SMAD3: variants seen among roughly 807,000 people sequenced by gnomAD.
SMAD3 encodes SMAD family member 3.
A neutral mutation model predicts 51.8 loss-of-function variants in SMAD3; 12 were observed. The ratio of observed to expected loss-of-function variants is 0.23; its 90% CI spans 0.15 to 0.38. The LOEUF (loss-of-function observed/expected upper bound fraction) is 0.38. SMAD3 is among the 10% of genes least tolerant of loss of function. The probability of loss-of-function intolerance (pLI) is 1.00; values close to 1 mark genes in which losing one functional copy is unlikely to be tolerated. For synonymous variants in SMAD3, 238 were observed against 227.7 expected (o/e 1.05, Z -0.41); for missense variants, 294 against 565.6 (o/e 0.52, Z 4.87).
intron 1 of SMAD3, among the ~76,000 whole-genome samples, chr15:67,103,041 G>A (rs1197227721): frequency 6.6e-6 from 1 of 152,092 alleles, no homozygotes; most frequent in Non-Finnish European, 1.5e-5. Flanking sequence ...GCTCTGGTAT[G>A]TAGTACGTGC....
chr15:67,128,194 G>C (rs544347608), intron 1 of SMAD3: 7 of 152,360 alleles, frequency 4.6e-5, no homozygotes, highest in African/African-American at 1.7e-4. Flanking sequence ...TGTTGGGGGT[G>C]GGGATGGGAA....
intron 1 of SMAD3, among the ~76,000 whole-genome samples, chr15:67,146,405 A>T (rs2140271464): frequency 6.6e-6 from 1 of 152,290 alleles, no homozygotes; most frequent in African/African-American, 2.4e-5. Context: ...CAGAGACCAG[A>T]CTTTGAAGGT....
intron 1 of SMAD3, among the ~76,000 whole-genome samples, chr15:67,084,070 C>CTTTTTTTTTTTTTT (rs56675753): frequency 2.7e-4 from 23 of 85,070 alleles, no homozygotes; most frequent in African/African-American, 5.9e-4. Flanking sequence ...CTTTTTTTTT[C>CTTTTTTTTTTTTTT]TTTTTTTTTT....
intron 1 of SMAD3, chr15:67,098,726 G>GGAGGCTT (rs1400203758): frequency 6.5e-6 from 4 of 610,712 alleles, no homozygotes; most frequent in Non-Finnish European, 1.2e-5. Flanking sequence ...GGACACTTGG[G>GGAGGCTT]GAGGCTTGCT....
At chr15:67,120,243 A>G (rs575696722) in intron 1 of SMAD3, among the ~76,000 whole-genome samples, 1 of 152,190 alleles carries the variant, frequency 6.6e-6, no homozygotes, top group African/African-American at 2.4e-5. Context: ...ACAGTGTGGG[A>G]CAGACTTTGC....
Position 67,190,552 on chromosome 15 carries a change from T to G in SMAD3, c.*16T>G, listed in dbSNP as rs758196703. ...TGTGTCTTAGAGACATCAAGTATGGTAGGGGAGGGCAGGCTTGGGGAAAAT... is the reference window on the plus strand; with the variant it reads ...TGTGTCTTAGAGACATCAAGTATGGGAGGGGAGGGCAGGCTTGGGGAAAAT... On this transcript the variant is annotated 3_prime_UTR_variant, in exon 9 of 9. Coordinates refer to ENST00000327367, the MANE Select transcript of SMAD3 (RefSeq NM_005902.4). 1.9e-5 allele frequency: 30 copies of G among 1,613,452 alleles called. No individual in the cohort carries two copies. The South Asian group carries it at 3.1e-4, about 17-fold the overall frequency.
rs527347311 is a variant in SMAD3 at position 67,137,152 on chromosome 15, C to T, written c.207-27743C>T. Among the ~76,000 whole-genome samples, 134 of 152,258 alleles carry T rather than the reference C, an allele frequency of 8.8e-4. 1 individual carries two copies. The South Asian group carries it at 0.014, about 16-fold the overall frequency. On this transcript the variant is annotated intron_variant, in intron 1 of 8. Coordinates refer to ENST00000327367, the MANE Select transcript of SMAD3 (RefSeq NM_005902.4). ...AGCAGGCTGCGTTTGTGGTTTTTGCCAAGGCTTGACTTTTGACCACTTTTC... is the reference window on the plus strand; with the variant it reads ...AGCAGGCTGCGTTTGTGGTTTTTGCTAAGGCTTGACTTTTGACCACTTTTC...
chr15:67,160,862 A>T (rs891712528), intron 1 of SMAD3, among the ~76,000 whole-genome samples: 1 of 149,478 alleles, frequency 6.7e-6, no homozygotes, highest in East Asian at 2.0e-4. Context: ...AAACAGGTCT[A>T]TTATCAAATA....
chr15:67,171,437 A>G (rs1188094709), intron 5 of SMAD3, among the ~76,000 whole-genome samples: 1 of 152,250 alleles, frequency 6.6e-6, no homozygotes, highest in Non-Finnish European at 1.5e-5. Context: ...AAGGGCTTCA[A>G]ACAAATGAAA....
chr15:67,142,671 CG>C (rs1240701101), intron 1 of SMAD3: 6 of 300,216 alleles, frequency 2.0e-5, no homozygotes. Flanking sequence ...AGACTAGAGG[CG>C]TCCAGAGGCC....
At chr15:67,146,508 C>A (rs1208740535) in intron 1 of SMAD3, among the ~76,000 whole-genome samples, 1 of 152,084 alleles carries the variant, frequency 6.6e-6, no homozygotes, top group Non-Finnish European at 1.5e-5. Context: ...TTCCATGGCA[C>A]CAGGGTTGAG....
At chr15:67,165,456 C>T in intron 3 of SMAD3, 72 bp downstream of exon 3, 1 of 1,571,914 alleles carries the variant, frequency 6.4e-7, no homozygotes, top group Non-Finnish European at 8.7e-7. Context: ...AGTCCTGTGG[C>T]CCCAATCTCT....
chr15:67,166,108 CCT>C lies in SMAD3; in HGVS notation c.533-670_533-669del. 4.3e-6 allele frequency: 4 copies of C among 939,800 alleles called. No homozygotes were observed. The South Asian group carries it at 1.8e-4, about 43-fold the overall frequency. 58.2% of individuals were successfully genotyped at this position (939,800 alleles called of 1,614,324 possible). On this transcript the variant is annotated intron_variant, in intron 3 of 8. Transcript: ENST00000327367. ...TTACTGGGCTGAGATTGGCTACAGG[CCT>C]GTGTGCTTGGGTCAGAGTGTTAAGG...
At chr15:67,102,471 C>G (rs1162768292) in intron 1 of SMAD3, among the ~76,000 whole-genome samples, 1 of 152,108 alleles carries the variant, frequency 6.6e-6, no homozygotes, top group Non-Finnish European at 1.5e-5. Flanking sequence ...AGAAAGTGTG[C>G]CTTCCACCAC....
chr15:67,181,166 T>C lies in SMAD3; in HGVS notation c.659-75T>C, dbSNP rs142618472. ...AATGCGGGGAAATGGTTTTCCAGAG[T>C]GTCCATGGGACCCCATCGAGGGAGC... is the stretch of plus-strand genomic sequence containing the variant. On this transcript the variant is annotated intron_variant, in intron 5 of 8. Coordinates refer to ENST00000327367, the MANE Select transcript of SMAD3 (RefSeq NM_005902.4). The C allele has an allele frequency of 2.5e-4, 271 of 1,081,672 alleles. 3 individuals carry two copies. In the Middle Eastern group the frequency reaches 5.5e-3, roughly 22 times the overall value. 67.0% of individuals were successfully genotyped at this position (1,081,672 alleles called of 1,614,324 possible).
intron 8 of SMAD3, 151 bp downstream of exon 8, chr15:67,187,660 C>G (rs1291665378): frequency 2.1e-6 from 2 of 973,902 alleles, no homozygotes; most frequent in East Asian, 5.0e-5. Flanking sequence ...GCCTGGCAGG[C>G]AGGAGGGGCC....
intron 1 of SMAD3, among the ~76,000 whole-genome samples, chr15:67,080,413 G>A (rs746454908): frequency 6.6e-6 from 1 of 152,212 alleles, no homozygotes; most frequent in Non-Finnish European, 1.5e-5. Flanking sequence ...AGGTGTGTAT[G>A]GAGCAGGTGG....
chr15:67,136,664 C>G (rs1961671645), intron 1 of SMAD3, among the ~76,000 whole-genome samples: 1 of 152,202 alleles, frequency 6.6e-6, no homozygotes, highest in South Asian at 2.1e-4. Flanking sequence ...GGTGTTTTGG[C>G]TTTTGTCTTT....
intron 4 of SMAD3, 78 bp downstream of exon 4, chr15:67,166,931 C>T (rs867973094): frequency 2.7e-5 from 30 of 1,100,488 alleles, no homozygotes; most frequent in Middle Eastern, 2.0e-4. Flanking sequence ...CCTTCCTCTT[C>T]GCCCTCTCCC....
Sources: allele counts gnomAD v4.1 joint callset (sites outside exome capture counted in the v4.1 genomes callset), GRCh38; gene constraint gnomAD v4.1.1; transcripts MANE v1.5; gene names NCBI Gene and HGNC (gene_info 2026-07-23, HGNC 2026-07-21).